The following RBFOX1 variants were observed in gnomAD, a reference collection of about 807,000 sequenced individuals.
RBFOX1 encodes the protein RNA binding protein fox-1 homolog 1.
In RBFOX1, 8 loss-of-function variants were observed where a neutral mutation model predicts 57.7. The ratio of observed to expected loss-of-function variants is 0.14; its 90% confidence interval spans 0.08 to 0.25. The LOEUF is 0.25. Among genes scored for constraint, RBFOX1 ranks in the 10% least tolerant of loss-of-function variants. The pLI, the probability that RBFOX1 is intolerant of heterozygous loss-of-function variation, is 1.00. For missense variants in RBFOX1, 611 were observed against 548.5 expected, an observed-to-expected ratio of 1.11 and a Z score of -1.14; for synonymous variants, 326 against 222.4, an observed-to-expected ratio of 1.47 and a Z score of -4.15.
chr16:7,482,786 C>G (rs4787027), intron 4 of RBFOX1, among the ~76,000 whole-genome samples: 1 of 151,612 alleles, frequency 6.6e-6, no homozygotes, highest in Admixed American at 6.6e-5. Flanking sequence ...GCCTACCCAC[C>G]TCTATGTAAA....
rs1316882502 is a variant in RBFOX1, at chr16:5,845,309, TG to T, written c.319-21992del. 1.6e-4 allele frequency among the ~76,000 whole-genome samples: 25 copies of T among 152,316 alleles called. No homozygotes were observed. The East Asian group carries it at 4.8e-3, about 29-fold the overall frequency. On this transcript the variant is annotated intron_variant, in intron 3 of 19. Coordinates refer to the RBFOX1 transcript ENST00000641259. ...CTGAATATTCATTTCCTCCTTCTTCTGGACCAATTACCCAGCACTGGGAATA... is the reference window on the plus strand; with the variant it reads ...CTGAATATTCATTTCCTCCTTCTTCTGACCAATTACCCAGCACTGGGAATA...
chr16:6,806,836 A>ATATATATATATATATTTT (rs754342591), intron 3 of RBFOX1, among the ~76,000 whole-genome samples: 13 of 91,874 alleles, frequency 1.4e-4, no homozygotes, highest in Non-Finnish European at 2.7e-4. Flanking sequence ...ATATATATAT[A>ATATATATATATATATTTT]TTTTTTTTTT....
intron 2 of RBFOX1, among the ~76,000 whole-genome samples, chr16:5,542,661 G>A (rs960153387): frequency 6.6e-6 from 1 of 152,084 alleles, no homozygotes; most frequent in African/African-American, 2.4e-5. Flanking sequence ...CACTTCCATT[G>A]TTATTTAGAG....
intron 2 of RBFOX1, among the ~76,000 whole-genome samples, chr16:6,557,543 G>A (rs890614611): frequency 1.3e-5 from 2 of 152,146 alleles, no homozygotes; most frequent in African/African-American, 4.8e-5. Context: ...GCGGCTGTCT[G>A]ACGTTCAGAA....
At chr16:6,774,868 G>T (rs1368385519) in intron 3 of RBFOX1, among the ~76,000 whole-genome samples, 2 of 151,846 alleles carry the variant, frequency 1.3e-5, no homozygotes, top group Non-Finnish European at 2.9e-5. Flanking sequence ...GCAACTGAGG[G>T]GCTTTTAAAA....
intron 3 of RBFOX1, among the ~76,000 whole-genome samples, chr16:6,956,013 C>A (rs2081756431): frequency 6.6e-6 from 1 of 152,234 alleles, no homozygotes; most frequent in East Asian, 1.9e-4. Context: ...GCCTCCATCA[C>A]TTTTTGTAAT....
At chr16:6,552,396 T>C (rs2345080) in intron 2 of RBFOX1, among the ~76,000 whole-genome samples, 123,733 of 152,088 alleles carry the variant, frequency 0.81, 54,720 homozygotes, top group Non-Finnish European at 0.98. Context: ...GTCTCTGTAG[T>C]TCTCAGAAAC....
intron 3 of RBFOX1, among the ~76,000 whole-genome samples, chr16:6,924,340 G>A (rs1325675867): frequency 2.0e-5 from 3 of 152,044 alleles, no homozygotes; most frequent in South Asian, 4.2e-4. Flanking sequence ...TGGGAGGCAT[G>A]TTGGGCAGGG....
chr16:7,389,545 T>C (rs1045819425), intron 4 of RBFOX1, among the ~76,000 whole-genome samples: 1 of 152,188 alleles, frequency 6.6e-6, no homozygotes, highest in African/African-American at 2.4e-5. Flanking sequence ...TGCGAACAAC[T>C]CTGGAAGATC....
intron 4 of RBFOX1, among the ~76,000 whole-genome samples, chr16:7,451,366 G>C (rs1445770326): frequency 6.6e-6 from 1 of 152,136 alleles, no homozygotes; most frequent in East Asian, 1.9e-4. Flanking sequence ...AGATAGTTTT[G>C]GAAATTTCGG....
intron 3 of RBFOX1, among the ~76,000 whole-genome samples, chr16:7,049,541 A>G (rs1236649946): frequency 6.6e-6 from 1 of 152,172 alleles, no homozygotes; most frequent in East Asian, 1.9e-4. Flanking sequence ...TCAAGACAAA[A>G]CCAGAGTGCT....
intron 2 of RBFOX1, among the ~76,000 whole-genome samples, chr16:6,605,277 G>C (rs1303381298): frequency 6.7e-6 from 1 of 150,204 alleles, no homozygotes; most frequent in South Asian, 2.1e-4. Context: ...TACAATTAAA[G>C]AAATAAAAAA....
chr16:6,479,585 C>T (rs190714261), intron 2 of RBFOX1, among the ~76,000 whole-genome samples: 7 of 151,894 alleles, frequency 4.6e-5, no homozygotes, highest in South Asian at 2.1e-4. Context: ...GAGATGCTGT[C>T]TCAAAAAAGA....
At chr16:6,540,060 G>C (rs1026454749) in intron 2 of RBFOX1, among the ~76,000 whole-genome samples, 1 of 152,052 alleles carries the variant, frequency 6.6e-6, no homozygotes, top group Non-Finnish European at 1.5e-5. Context: ...AGGGCCTCAC[G>C]TGACTTGACT....
In RBFOX1 at chr16:7,054,213, C is replaced by CGG. The variant is rs71147642; in HGVS notation, c.27+2126_27+2127dup. On this transcript the variant is annotated intron_variant, in intron 4 of 15. Transcript: ENST00000550418. ...CCCTTATTAAGGTGATTTTTTTTTT[C>CGG]GGGGGGGGGGGGCGGGGAGCTTTTT... 3.3e-3 allele frequency among the ~76,000 whole-genome samples: 59 copies of CGG among 17,832 alleles called. 4 individuals are homozygous for CGG. The highest frequency in any genetic ancestry group is 0.017 in the African/African-American group (36 of 2,174). 11.7% of individuals were successfully genotyped at this position (17,832 alleles called of 152,430 possible).
At chr16:6,810,575 T>A (rs57056064) in intron 3 of RBFOX1, among the ~76,000 whole-genome samples, 3 of 152,102 alleles carry the variant, frequency 2.0e-5, no homozygotes, top group Admixed American at 6.5e-5. Context: ...GTTTGTATTA[T>A]GAGTTTCATA....
chr16:5,865,542 G>A (rs144921266), intron 3 of RBFOX1, among the ~76,000 whole-genome samples: 2 of 152,308 alleles, frequency 1.3e-5, no homozygotes, highest in African/African-American at 2.4e-5. Context: ...CATGGACAGC[G>A]AGCTCTGCCT....
intron 3 of RBFOX1, among the ~76,000 whole-genome samples, chr16:5,778,917 T>G (rs2054236701): frequency 6.6e-6 from 1 of 152,220 alleles, no homozygotes; most frequent in Non-Finnish European, 1.5e-5. Flanking sequence ...CATGTTTATG[T>G]GTCTGGCATA....
At chr16:6,904,266 A>T (rs183734530) in intron 3 of RBFOX1, among the ~76,000 whole-genome samples, 2 of 152,014 alleles carry the variant, frequency 1.3e-5, no homozygotes, top group African/African-American at 4.8e-5. Context: ...CTGTTGTTGA[A>T]CCTGTTCTCT....
Sources: gnomAD v4.1 joint callset for allele counts (sites outside exome capture counted in the v4.1 genomes callset) on GRCh38, gnomAD v4.1.1 for gene constraint, MANE v1.5 for transcripts, NCBI Gene and HGNC (gene_info 2026-07-23, HGNC 2026-07-21) for gene names.